KYAT3: variants seen among roughly 807,000 people sequenced by gnomAD.
The protein encoded by KYAT3 is kynurenine--oxoglutarate transaminase 3.
KYAT3 carries 50 observed loss-of-function variants against 59.0 expected under a neutral mutation model. That is an observed-to-expected ratio of 0.85 (90% CI 0.68 to 1.07). The LOEUF is 1.07. Ranked by LOEUF, KYAT3 falls within the 50% of genes least tolerant of loss-of-function variation. KYAT3 has a pLI of 0.00. For synonymous variants in KYAT3, 148 were observed against 177.0 expected (o/e 0.84, Z 1.30); for missense variants, 497 against 533.3 (o/e 0.93, Z 0.67).
intron 2 of KYAT3, chr1:88,984,032 G>C (rs1318338009): frequency 6.2e-6 from 3 of 480,170 alleles, no homozygotes; most frequent in Non-Finnish European, 1.2e-5. Flanking sequence ...ACTTTCTTTT[G>C]CCACTAGATG....
chr1:88,938,588 A>G (rs1373882657), intron 13 of KYAT3, among the ~76,000 whole-genome samples: 1 of 152,062 alleles, frequency 6.6e-6, no homozygotes, highest in African/African-American at 2.4e-5. Context: ...CTTTGTGTTC[A>G]TGAGTTCTCA....
At chr1:88,934,691 A>C (rs530580364), downstream of KYAT3, among the ~76,000 whole-genome samples, 101 of 152,326 alleles carry the variant, frequency 6.6e-4, no homozygotes, top group African/African-American at 2.4e-3. Flanking sequence ...AGCAAAAGCA[A>C]CTTGTCTGAA....
intron 4 of KYAT3, among the ~76,000 whole-genome samples, chr1:88,968,454 G>A (rs1676425235): frequency 6.6e-6 from 1 of 152,088 alleles, no homozygotes; most frequent in Non-Finnish European, 1.5e-5. Context: ...GTAAAGTAAG[G>A]GCCAAAAGAA....
Position 88,968,786 on chromosome 1 carries a change from G to A in KYAT3, c.187C>T (p.Pro63Ser), listed in dbSNP as rs1406378771. The A allele has an allele frequency of 1.9e-6, 3 of 1,585,700 alleles. No individual in the cohort carries two copies. The highest frequency in any genetic ancestry group is 2.6e-6 in the Non-Finnish European group (3 of 1,172,280). The change falls in exon 4 of 14, where the codon CCT (proline) becomes TCT (serine). Residue 63 changes from proline (P) to serine (S), a missense_variant. Coordinates refer to ENST00000260508, the MANE Select transcript of KYAT3 (RefSeq NM_001008661.3). ...WIEFTKLAAD[P>S]SVVNLGQGFP... is the part of the protein sequence containing the mutation. ...CCTTGGCCAAGATTCACAACAGAAG[G>A]GTCTGCAGCCAATTTGGTAAATTCA...
chr1:88,946,605 A>G (rs932048106), intron 11 of KYAT3, among the ~76,000 whole-genome samples: 1 of 152,244 alleles, frequency 6.6e-6, no homozygotes, highest in African/African-American at 2.4e-5. Context: ...AATAATTCAT[A>G]TGGAAATCTT....
chr1:88,979,568 T>C (rs1456154574), intron 2 of KYAT3: 1 of 152,066 alleles, frequency 6.6e-6, no homozygotes, highest in African/African-American at 2.4e-5. Flanking sequence ...ACAGAAAATA[T>C]ACAACTGGCC....
the KYAT3 span, among the ~76,000 whole-genome samples, chr1:88,923,212 AC>A: frequency 2.6e-5 from 4 of 152,360 alleles, no homozygotes; most frequent in Admixed American, 2.6e-4. Flanking sequence ...TCAAGTAATC[AC>A]ATTTTCATTT....
chr1:88,950,970 T>C (rs1255346927), intron 10 of KYAT3, among the ~76,000 whole-genome samples: 1 of 152,216 alleles, frequency 6.6e-6, no homozygotes. Context: ...CCAGTCTCTG[T>C]GCTGTTCTCT....
At chr1:88,949,301 A>AACATTGCCATATGCCTTTTCATATTTTT in intron 10 of KYAT3, 24 bp from the exon 11 acceptor site, 1 of 1,492,810 alleles carries the variant, frequency 6.7e-7, no homozygotes, top group Non-Finnish European at 9.0e-7. Context: ...ATCAAAAAAT[A>AACATTGCCATATGCCTTTTCATATTTTT]TGAAAAGGCA....
intron 2 of KYAT3, 106 bp downstream of exon 2, chr1:88,988,146 T>C (rs759655993): frequency 3.2e-5 from 22 of 694,624 alleles, no homozygotes; most frequent in Non-Finnish European, 5.3e-5. Context: ...GTAATAGAAA[T>C]GTTCATTTCA....
intron 8 of KYAT3, among the ~76,000 whole-genome samples, chr1:88,958,197 C>A (rs1675995555): frequency 6.6e-6 from 1 of 152,194 alleles, no homozygotes; most frequent in African/African-American, 2.4e-5. Flanking sequence ...ATTCCCTTTG[C>A]TCAGCCCTTC....
At chr1:88,982,661 C>G in intron 2 of KYAT3, 1 of 1,596,600 alleles carries the variant, frequency 6.3e-7, no homozygotes, top group African/African-American at 1.4e-5. Context: ...TTTCTAGTAT[C>G]TGCTTCTGCC....
intron 1 of KYAT3, 83 bp downstream of exon 1, chr1:88,992,502 C>G (rs998627922): frequency 6.5e-6 from 1 of 152,754 alleles, no homozygotes; most frequent in Non-Finnish European, 1.5e-5. Flanking sequence ...GCCCGACCTC[C>G]GTTCCCTCGC....
At chr1:88,978,037 C>G (rs1676874873) in intron 2 of KYAT3, among the ~76,000 whole-genome samples, 1 of 151,936 alleles carries the variant, frequency 6.6e-6, no homozygotes, top group African/African-American at 2.4e-5. Flanking sequence ...TTAAGTGAAG[C>G]ATAACTCTAT....
At chr1:88,951,477 C>T (rs919883317) in intron 10 of KYAT3, among the ~76,000 whole-genome samples, 9 of 151,964 alleles carry the variant, frequency 5.9e-5, no homozygotes, top group African/African-American at 1.4e-4. Flanking sequence ...TCAGGTGATC[C>T]GCTCACCTTG....
chr1:88,952,240 G>A (rs1409526772), intron 10 of KYAT3, among the ~76,000 whole-genome samples: 3 of 152,214 alleles, frequency 2.0e-5, no homozygotes, highest in Admixed American at 6.5e-5. Flanking sequence ...TCAATCGTCT[G>A]TAGATGATAA....
chr1:88,937,758 T>A (rs934753487), intron 13 of KYAT3, among the ~76,000 whole-genome samples: 27 of 152,162 alleles, frequency 1.8e-4, no homozygotes. Flanking sequence ...TAGAGTATCA[T>A]CACTTCTGTG....
At chr1:88,983,524 T>G in intron 2 of KYAT3, 1 of 1,614,186 alleles carries the variant, frequency 6.2e-7, no homozygotes, top group Non-Finnish European at 8.5e-7. Flanking sequence ...GACCTCTACT[T>G]CTTGGAGGTG....
At chr1:88,989,633 T>C (rs958968705) in intron 1 of KYAT3, among the ~76,000 whole-genome samples, 1 of 152,098 alleles carries the variant, frequency 6.6e-6, no homozygotes, top group African/African-American at 2.4e-5. Flanking sequence ...ATGGAGGTAA[T>C]GTGCTAATAA....
Sources: allele counts gnomAD v4.1 joint callset (sites outside exome capture counted in the v4.1 genomes callset), GRCh38; gene constraint gnomAD v4.1.1; transcripts MANE v1.5; gene names NCBI Gene and HGNC (gene_info 2026-07-23, HGNC 2026-07-21).